Variants in TBCE observed in about 807,000 individuals in gnomAD.
TBCE encodes the protein tubulin-specific chaperone E.
A neutral mutation model predicts 77.0 loss-of-function variants in TBCE; 53 were observed. The observed-to-expected ratio is 0.69, with a 90% CI of 0.55 to 0.87. TBCE has a LOEUF of 0.87. Among genes scored for constraint, TBCE ranks in the 40% least tolerant of loss-of-function variants. TBCE has a pLI of 0.00. For synonymous variants in TBCE, 235 were observed against 241.3 expected (o/e 0.97, Z 0.24); for missense variants, 624 against 622.4 (o/e 1.00, Z -0.03).
At chr1:235,402,088 G>A (rs1476422830) in intron 3 of TBCE, among the ~76,000 whole-genome samples, 6 of 142,654 alleles carry the variant, frequency 4.2e-5, no homozygotes, top group South Asian at 4.4e-4. Flanking sequence ...TTTTTGAGAC[G>A]GAGTCTCACT....
chr1:235,408,975 A>G (rs1176395858), intron 3 of TBCE, among the ~76,000 whole-genome samples: 2 of 150,518 alleles, frequency 1.3e-5, no homozygotes, highest in Non-Finnish European at 2.9e-5. Context: ...TACCAAATGC[A>G]TAGTGAACTT....
chr1:235,401,679 T>TTGGCCGGGCGCGGTGGCTCA lies in TBCE; in HGVS notation c.185+92_185+93insTGGCCGGGCGCGGTGGCTCA. The TTGGCCGGGCGCGGTGGCTCA allele has an allele frequency of 2.7e-6, 3 of 1,103,712 alleles. No homozygotes were observed. The African/African-American group carries it at 4.7e-5, about 17-fold the overall frequency. 68.4% of individuals were successfully genotyped at this position (1,103,712 alleles called of 1,614,324 possible). ...GGATGGAGAGGAAGAAATGTTTGGC[T>TTGGCCGGGCGCGGTGGCTCA]CATGGAGTAGTTATATTATGGAATT... On this transcript the variant is annotated intron_variant, in intron 3 of 16. Coordinates refer to ENST00000642610, the MANE Select transcript of TBCE (RefSeq NM_003193.5).
chr1:235,423,086 G>A (rs547945114), intron 5 of TBCE, among the ~76,000 whole-genome samples: 2 of 152,256 alleles, frequency 1.3e-5, no homozygotes, highest in South Asian at 2.1e-4. Context: ...TATTGCTTTG[G>A]GTGCTTAATC....
intron 15 of TBCE, among the ~76,000 whole-genome samples, chr1:235,444,774 C>T (rs1682133713): frequency 6.6e-6 from 1 of 152,224 alleles, no homozygotes; most frequent in African/African-American, 2.4e-5. Flanking sequence ...TTTGCAGATA[C>T]ATCAAATCAA....
chr1:235,415,842 G>A (rs1410496618), intron 4 of TBCE: 2 of 152,028 alleles, frequency 1.3e-5, no homozygotes, highest in Admixed American at 6.6e-5. Flanking sequence ...GAACAAAAAA[G>A]TATCATGATT....
At chr1:235,427,092 T>G (rs1680764035) in intron 5 of TBCE, 48 bp from the exon 6 acceptor site, 3 of 1,315,460 alleles carry the variant, frequency 2.3e-6, no homozygotes, top group Non-Finnish European at 3.3e-6. Flanking sequence ...TCCTTTTATG[T>G]CTTTTGTGAA....
chr1:235,443,736 A>G (rs920587884), intron 15 of TBCE, among the ~76,000 whole-genome samples: 3 of 152,314 alleles, frequency 2.0e-5, no homozygotes, highest in South Asian at 2.1e-4. Context: ...TGCAAAAACA[A>G]TTCGCAGATG....
intron 3 of TBCE, 84 bp downstream of exon 3, chr1:235,401,671 T>C (rs2102857849): frequency 8.2e-7 from 1 of 1,214,946 alleles, no homozygotes; most frequent in Non-Finnish European, 1.2e-6. Flanking sequence ...GAGGAAGAAA[T>C]GTTTGGCTCA....
intron 2 of TBCE, among the ~76,000 whole-genome samples, chr1:235,395,261 G>A (rs1678653329): frequency 6.6e-6 from 1 of 151,976 alleles, no homozygotes; most frequent in Non-Finnish European, 1.5e-5. Flanking sequence ...TATTTATAGG[G>A]TACAAGAGAG....
chr1:235,408,566 GCAAAA>G (rs1361285798), intron 3 of TBCE, among the ~76,000 whole-genome samples: 65 of 152,032 alleles, frequency 4.3e-4, no homozygotes, highest in African/African-American at 1.5e-3. Flanking sequence ...TTGTGTCAAC[GCAAAA>G]GCAGTTGAGA....
In TBCE at chr1:235,440,646, A is replaced by G. The variant is rs190377228; in HGVS notation, c.1271-1168A>G. Reference sequence around the variant, plus strand: ...TGAACTCAGGTGATTCGCCCGCCTCAGCCTCCCAAAGTGCTGGGATTACAG... The same window carrying G: ...TGAACTCAGGTGATTCGCCCGCCTCGGCCTCCCAAAGTGCTGGGATTACAG... On this transcript the variant is annotated intron_variant, in intron 13 of 16. Transcript: ENST00000642610. Among the ~76,000 whole-genome samples, 97 of 149,528 alleles carry G rather than the reference A, an allele frequency of 6.5e-4. 1 individual carries two copies. Among genetic ancestry groups the G allele is most frequent in the African/African-American group, 2.0e-3 (82 of 40,770 alleles).
chr1:235,437,287 C>T, intron 11 of TBCE, 35 bp from the exon 12 acceptor site: 1 of 1,613,796 alleles, frequency 6.2e-7, no homozygotes, highest in Non-Finnish European at 8.5e-7. Context: ...CATGAACGTA[C>T]CGCTTTTCAT....
intron 2 of TBCE, among the ~76,000 whole-genome samples, chr1:235,390,016 C>T (rs1468089942): frequency 6.6e-6 from 1 of 151,726 alleles, no homozygotes; most frequent in East Asian, 1.9e-4. Context: ...GCCCCAGCTA[C>T]TTGGGAGGCT....
At chr1:235,419,629 C>T in intron 5 of TBCE, 68 bp downstream of exon 5, 1 of 1,597,708 alleles carries the variant, frequency 6.3e-7, no homozygotes, top group Non-Finnish European at 8.5e-7. Context: ...CCAGAGACTG[C>T]TAATTGCCTA....
At chr1:235,437,824 T>TAA (rs746812435) in intron 12 of TBCE, among the ~76,000 whole-genome samples, 5,676 of 137,384 alleles carry the variant, frequency 0.041, 227 homozygotes, top group African/African-American at 0.11. Flanking sequence ...TGTCTTAATT[T>TAA]AAAAAAAAAA....
At chr1:235,398,711 G>A (rs1206103502) in intron 2 of TBCE, among the ~76,000 whole-genome samples, 1 of 145,044 alleles carries the variant, frequency 6.9e-6, no homozygotes, top group East Asian at 2.1e-4. Flanking sequence ...CTGGGTTGAA[G>A]CAGTCCTCCC....
In TBCE at chr1:235,412,186, C is replaced by A. The variant is rs1260744788; in HGVS notation, c.186-2247C>A. On this transcript the variant is annotated intron_variant, in intron 3 of 16. Transcript: ENST00000642610. ...CCTTCCCCCCTCCCCTCCCCTCCCC[C>A]TCCCCTCCCCCTCCCCTCCCCTCCC... is the stretch of plus-strand genomic sequence containing the variant. 5.2e-4 allele frequency among the ~76,000 whole-genome samples: 2 copies of A among 3,870 alleles called. 1 individual carries two copies. Among genetic ancestry groups the A allele is most frequent in the African/African-American group, 5.6e-3 (2 of 356 alleles). 2.5% of individuals were successfully genotyped at this position (3,870 alleles called of 152,430 possible).
intron 2 of TBCE, among the ~76,000 whole-genome samples, chr1:235,398,127 A>T (rs947458754): frequency 2.7e-5 from 4 of 145,822 alleles, no homozygotes; most frequent in African/African-American, 1.0e-4. Context: ...CTATGATGAT[A>T]ACATTTACTT....
intron 2 of TBCE, among the ~76,000 whole-genome samples, chr1:235,401,204 T>C (rs1050528016): frequency 6.6e-6 from 1 of 152,170 alleles, no homozygotes; most frequent in Non-Finnish European, 1.5e-5. Flanking sequence ...TTTGTCCTTT[T>C]ATGGTGGCTT....
Sources: gnomAD v4.1 joint callset for allele counts (sites outside exome capture counted in the v4.1 genomes callset) on GRCh38, gnomAD v4.1.1 for gene constraint, MANE v1.5 for transcripts, NCBI Gene and HGNC (gene_info 2026-07-23, HGNC 2026-07-21) for gene names.